The following ERBB4 variants were observed in gnomAD, a reference collection of about 807,000 sequenced individuals.
ERBB4 encodes receptor tyrosine-protein kinase erbB-4.
In ERBB4, 42 loss-of-function variants were observed where a neutral mutation model predicts 158.0. That is an observed-to-expected ratio of 0.27 (90% confidence interval 0.21 to 0.34). The LOEUF (loss-of-function observed/expected upper bound fraction) is 0.34. ERBB4 is among the 10% of genes least tolerant of loss of function. The probability of loss-of-function intolerance (pLI) is 1.00; values close to 1 mark genes in which losing one functional copy is unlikely to be tolerated. For missense variants in ERBB4, 1,333 were observed against 1,624.1 expected (o/e 0.82, Z 3.08); for synonymous variants, 583 against 558.7 (o/e 1.04, Z -0.61).
At chr2:211,917,726 T>C (rs1218640325) in intron 3 of ERBB4, among the ~76,000 whole-genome samples, 2 of 152,106 alleles carry the variant, frequency 1.3e-5, no homozygotes, top group Non-Finnish European at 2.9e-5. Flanking sequence ...GGAGCCGTAA[T>C]AAAGAGAGAG....
At chr2:211,479,208 G>A (rs2065026215) in intron 20 of ERBB4, among the ~76,000 whole-genome samples, 1 of 152,078 alleles carries the variant, frequency 6.6e-6, no homozygotes, top group African/African-American at 2.4e-5. Flanking sequence ...CCCAGGGGGT[G>A]CTGACACTGC....
At chr2:211,680,725 C>T (rs1485980487) in intron 12 of ERBB4, among the ~76,000 whole-genome samples, 1 of 152,086 alleles carries the variant, frequency 6.6e-6, no homozygotes, top group Non-Finnish European at 1.5e-5. Flanking sequence ...AAAAAGGCCC[C>T]TATGGTAAAC....
chr2:211,791,844 T>C (rs1312513773), intron 3 of ERBB4, among the ~76,000 whole-genome samples: 1 of 151,822 alleles, frequency 6.6e-6, no homozygotes, highest in African/African-American at 2.4e-5. Flanking sequence ...GTCTCAAACG[T>C]TTCCGACTAG....
intron 25 of ERBB4, among the ~76,000 whole-genome samples, chr2:211,413,312 ACACACACACACACACACAC>A (rs2063308032): frequency 2.2e-5 from 2 of 89,846 alleles, no homozygotes; most frequent in South Asian, 2.7e-4. Flanking sequence ...TCTTAAAAAC[ACACACACACACACACACAC>A]ACACACACAC....
At chr2:212,008,109 C>T (rs1313779088) in intron 2 of ERBB4, among the ~76,000 whole-genome samples, 1 of 152,058 alleles carries the variant, frequency 6.6e-6, no homozygotes, top group Non-Finnish European at 1.5e-5. Flanking sequence ...TTTTCAATTA[C>T]TTACTGAGCT....
At chr2:212,228,985 A>C (rs1236253382) in intron 1 of ERBB4, among the ~76,000 whole-genome samples, 1 of 152,220 alleles carries the variant, frequency 6.6e-6, no homozygotes, top group Non-Finnish European at 1.5e-5. Context: ...GTACTTGAAA[A>C]ATATTGACAA....
At chr2:211,665,245 T>A in intron 15 of ERBB4, 78 bp downstream of exon 15, 1 of 1,400,232 alleles carries the variant, frequency 7.1e-7, no homozygotes, top group Non-Finnish European at 1.0e-6. Flanking sequence ...TGGTATACAT[T>A]TCAGAGATGG....
At chr2:211,968,544 A>G (rs1234930134) in intron 2 of ERBB4, among the ~76,000 whole-genome samples, 1 of 152,052 alleles carries the variant, frequency 6.6e-6, no homozygotes, top group African/African-American at 2.4e-5. Flanking sequence ...TTGCTTTAAC[A>G]ACTATTATTT....
chr2:211,618,449 CAG>C (rs1423626408), intron 19 of ERBB4, among the ~76,000 whole-genome samples: 7 of 151,988 alleles, frequency 4.6e-5, no homozygotes, highest in African/African-American at 1.7e-4. Context: ...CCAAAAAGAG[CAG>C]AGTTGAGTTG....
rs1156663220 is a variant in ERBB4, at chr2:211,779,639, T to C, written c.556+8386A>G. On this transcript the variant is annotated intron_variant, in intron 4 of 27. Transcript: ENST00000342788. ...ACAGCAGTTATACTAATAATCTTTA[T>C]GATCTGAGAAGCCTTTGCTTCAAAA... 5 of 152,346 alleles carry C rather than the reference T, an allele frequency of 3.3e-5. No individual in the cohort carries two copies. The South Asian group carries it at 1.0e-3, about 32-fold the overall frequency. The allele number at this position is 152,346 out of a possible 1,614,324, so 9.4% of individuals were successfully genotyped here.
At chr2:211,671,034 C>T (rs6435652) in intron 14 of ERBB4, among the ~76,000 whole-genome samples, 150,296 of 152,244 alleles carry the variant, frequency 0.99, 74,192 homozygotes, top group East Asian at 1. Context: ...TGGTGTCTTA[C>T]TATGCAACAT....
intron 3 of ERBB4, among the ~76,000 whole-genome samples, chr2:211,811,581 T>C (rs1053391894): frequency 1.3e-5 from 2 of 152,224 alleles, no homozygotes; most frequent in African/African-American, 4.8e-5. Flanking sequence ...GTTGGGGAAG[T>C]TCCCCTGGAT....
chr2:212,437,337 A>G lies in ERBB4; in HGVS notation c.82+101112T>C, dbSNP rs750689726. Reference sequence around the variant, plus strand: ...AACTAAAGGATTTCACATTAATGGTAAAGTTCTCAGCTGGAGAATGAACTT... The same window carrying G: ...AACTAAAGGATTTCACATTAATGGTGAAGTTCTCAGCTGGAGAATGAACTT... On this transcript the variant is annotated intron_variant, in intron 1 of 27. Transcript: ENST00000342788. 2.0e-4 allele frequency among the ~76,000 whole-genome samples: 30 copies of G among 152,042 alleles called. 1 individual carries two copies. Among genetic ancestry groups the G allele is most frequent in the Non-Finnish European group, 3.8e-4 (26 of 67,960 alleles).
intron 3 of ERBB4, among the ~76,000 whole-genome samples, chr2:211,931,899 A>G (rs1479418278): frequency 1.3e-5 from 2 of 152,086 alleles, no homozygotes; most frequent in African/African-American, 2.4e-5. Flanking sequence ...GGGAACTAAC[A>G]TATATTGTGT....
At chr2:212,320,148 A>G (rs1390181718) in intron 1 of ERBB4, among the ~76,000 whole-genome samples, 1 of 148,180 alleles carries the variant, frequency 6.7e-6, no homozygotes, top group Admixed American at 6.7e-5. Context: ...GGGATGGAAA[A>G]AGTCTGATAT....
intron 20 of ERBB4, among the ~76,000 whole-genome samples, chr2:211,550,584 T>C (rs1017280516): frequency 4.8e-5 from 7 of 145,710 alleles, no homozygotes; most frequent in South Asian, 2.1e-4. Context: ...AATATATATA[T>C]ATATATATAT....
At chr2:211,606,882 A>C (rs185674102) in intron 19 of ERBB4, among the ~76,000 whole-genome samples, 1 of 152,132 alleles carries the variant, frequency 6.6e-6, no homozygotes, top group Non-Finnish European at 1.5e-5. Context: ...AAGAGGAAAA[A>C]CCTTTTCTGA....
At chr2:211,443,689 CTTCA>C (rs1246366827) in intron 20 of ERBB4, among the ~76,000 whole-genome samples, 1 of 152,064 alleles carries the variant, frequency 6.6e-6, no homozygotes, top group Admixed American at 6.6e-5. Context: ...ACTTCCCAAA[CTTCA>C]TTATCAGCGC....
intron 16 of ERBB4, among the ~76,000 whole-genome samples, chr2:211,636,909 G>T (rs749020353): frequency 6.6e-6 from 1 of 151,860 alleles, no homozygotes; most frequent in Non-Finnish European, 1.5e-5. Context: ...GTATGTGTAG[G>T]TGTGTGCATA....
Sources: gnomAD v4.1 joint callset for allele counts (sites outside exome capture counted in the v4.1 genomes callset) on GRCh38, gnomAD v4.1.1 for gene constraint, MANE v1.5 for transcripts, NCBI Gene and HGNC (gene_info 2026-07-23, HGNC 2026-07-21) for gene names.